Variants in DSCAM observed in about 807,000 individuals in gnomAD.
DSCAM encodes DS cell adhesion molecule, also known as cell adhesion molecule DSCAM.
A neutral mutation model predicts 217.7 loss-of-function variants in DSCAM; 47 were observed. That is an observed-to-expected ratio of 0.22 (90% CI 0.17 to 0.28). The LOEUF (loss-of-function observed/expected upper bound fraction) is 0.28. DSCAM is among the 10% of genes least tolerant of loss of function. The pLI is 1.00. For synonymous variants in DSCAM, 1,056 were observed against 1,015.3 expected, an observed-to-expected ratio of 1.04 and a Z score of -0.76; for missense variants, 2,080 against 2,618.3, an observed-to-expected ratio of 0.79 and a Z score of 4.49.
chr21:40,112,691 G>T (rs947344419), intron 20 of DSCAM, among the ~76,000 whole-genome samples: 5 of 152,138 alleles, frequency 3.3e-5, no homozygotes, highest in Non-Finnish European at 5.9e-5. Context: ...AAGAAGAAAA[G>T]AGAGAAGAAT....
intron 26 of DSCAM, 136 bp from the exon 27 acceptor site, chr21:40,075,349 C>A: frequency 1.1e-6 from 1 of 935,364 alleles, no homozygotes; most frequent in Middle Eastern, 2.6e-4. Context: ...AGAACTCTGT[C>A]TCTAGGCCCT....
chr21:40,143,608 G>A (rs995877378), intron 17 of DSCAM, among the ~76,000 whole-genome samples: 5 of 152,278 alleles, frequency 3.3e-5, no homozygotes, highest in African/African-American at 7.2e-5. Flanking sequence ...TGGCTAACAC[G>A]GTGAAAACCC....
chr21:40,261,986 A>T (rs972681357), intron 11 of DSCAM, among the ~76,000 whole-genome samples: 71 of 151,676 alleles, frequency 4.7e-4, no homozygotes, highest in Non-Finnish European at 5.9e-5. Context: ...AAGAAAAGGC[A>T]CCTGAGAGTT....
intron 23 of DSCAM, among the ~76,000 whole-genome samples, chr21:40,085,250 T>C (rs1391665115): frequency 6.6e-6 from 1 of 152,230 alleles, no homozygotes; most frequent in African/African-American, 2.4e-5. Flanking sequence ...ACTTGTTTTT[T>C]GTTTGTGTTT....
chr21:40,586,891 G>T lies in DSCAM; in HGVS notation c.508+105919C>A, dbSNP rs1038183566. On this transcript the variant is annotated intron_variant, in intron 3 of 32. Transcript: ENST00000400454. Reference sequence around the variant, plus strand: ...AACAGAAGAAGGCTGGACTCTAAGTGGTAGCAAATATGAACATTTGGGGCA... The same window carrying T: ...AACAGAAGAAGGCTGGACTCTAAGTTGTAGCAAATATGAACATTTGGGGCA... Among the ~76,000 whole-genome samples, 3 of 152,144 alleles carry T rather than the reference G, an allele frequency of 2.0e-5. No homozygotes were observed. In the East Asian group the frequency reaches 5.8e-4, roughly 29 times the overall value.
At chr21:40,727,761 C>T (rs35067914) in intron 1 of DSCAM, among the ~76,000 whole-genome samples, 15,264 of 152,210 alleles carry the variant, frequency 0.1, 1,101 homozygotes, top group African/African-American at 0.2. Context: ...CAGGCCATCT[C>T]TGGCCTCTGT....
chr21:40,459,884 T>C (rs1337889143), intron 3 of DSCAM, among the ~76,000 whole-genome samples: 1 of 152,132 alleles, frequency 6.6e-6, no homozygotes, highest in Non-Finnish European at 1.5e-5. Context: ...ATAAATGGTG[T>C]TGAGGCAACT....
In DSCAM at chr21:40,473,089, C is replaced by A. The variant is rs534900128; in HGVS notation, c.509-103844G>T. On this transcript the variant is annotated intron_variant, in intron 3 of 32. Transcript: ENST00000400454. Reference sequence around the variant, plus strand: ...CTGGGGGAATAAAGGGGCTGTTCACCAACCAGGCAGAGACCTTCCTAAAAA... The same window carrying A: ...CTGGGGGAATAAAGGGGCTGTTCACAAACCAGGCAGAGACCTTCCTAAAAA... 2.6e-5 allele frequency among the ~76,000 whole-genome samples: 4 copies of A among 152,272 alleles called. No individual in the cohort carries two copies. In the East Asian group the frequency reaches 5.8e-4, roughly 22 times the overall value.
intron 11 of DSCAM, among the ~76,000 whole-genome samples, chr21:40,222,718 T>C (rs1285893337): frequency 6.6e-6 from 1 of 152,206 alleles, no homozygotes; most frequent in Non-Finnish European, 1.5e-5. Flanking sequence ...ATGTCATAGT[T>C]GTCATTTAAA....
In DSCAM at chr21:40,504,937, C is replaced by G. The variant is rs1371367263; in HGVS notation, c.509-135692G>C. Among the ~76,000 whole-genome samples the G allele has an allele frequency of 3.9e-5, 6 of 152,246 alleles. No individual in the cohort carries two copies. In the East Asian group the frequency reaches 9.6e-4, roughly 24 times the overall value. ...GTAAGAGTTGACTGTCATACCAGCT[C>G]TCATGTCTGCCTCTGAGGCTGGAAA... On this transcript the variant is annotated intron_variant, in intron 3 of 32. Transcript: ENST00000400454.
intron 32 of DSCAM, among the ~76,000 whole-genome samples, chr21:40,028,755 A>G (rs2088452435): frequency 6.6e-6 from 1 of 152,126 alleles, no homozygotes; most frequent in Admixed American, 6.5e-5. Context: ...TAGTGAGATG[A>G]ACCCGGTACC....
intron 3 of DSCAM, among the ~76,000 whole-genome samples, chr21:40,676,887 G>A (rs367813520): frequency 1.3e-5 from 2 of 152,040 alleles, no homozygotes; most frequent in Admixed American, 1.3e-4. Context: ...AACGAGTCAC[G>A]TGCATCCGGG....
chr21:40,177,974 A>G (rs1158872914), intron 15 of DSCAM, among the ~76,000 whole-genome samples: 1 of 152,200 alleles, frequency 6.6e-6, no homozygotes, highest in African/African-American at 2.4e-5. Context: ...TCTTCCCTGC[A>G]GTAGGGAGTG....
At position 40,187,120 on chromosome 21, in the gene DSCAM, A is replaced by G; in HGVS notation, c.2779+11T>C. ...AGGTGGAAGGGAAGCTGGAGGAAGT[A>G]AAGAACTTACCTGATTTATTTTTGC... On this transcript the variant is annotated intron_variant, in intron 14 of 32. Transcript: ENST00000400454. 6.2e-7 allele frequency: 1 copy of G among 1,611,810 alleles called. No homozygotes were observed. Among genetic ancestry groups the G allele is most frequent in the African/African-American group, 1.3e-5 (1 of 74,804 alleles).
chr21:40,667,006 CT>C (rs1284952619), intron 3 of DSCAM, among the ~76,000 whole-genome samples: 2 of 152,296 alleles, frequency 1.3e-5, no homozygotes, highest in African/African-American at 4.8e-5. Flanking sequence ...CTAGAAGCTG[CT>C]TCATGTATCC....
intron 3 of DSCAM, among the ~76,000 whole-genome samples, chr21:40,380,918 C>A (rs1457427635): frequency 6.6e-6 from 1 of 151,856 alleles, no homozygotes; most frequent in Non-Finnish European, 1.5e-5. Context: ...AAAAAATTAG[C>A]CGGGCGTGGT....
intron 3 of DSCAM, among the ~76,000 whole-genome samples, chr21:40,675,305 G>A (rs1371455910): frequency 1.3e-5 from 2 of 152,206 alleles, no homozygotes; most frequent in African/African-American, 2.4e-5. Flanking sequence ...GCAGGCTGGA[G>A]TAGAGAAGGG....
At chr21:40,615,808 T>A (rs888373160) in intron 3 of DSCAM, among the ~76,000 whole-genome samples, 2 of 152,162 alleles carry the variant, frequency 1.3e-5, no homozygotes, top group African/African-American at 4.8e-5. Flanking sequence ...AGTCTTTGCC[T>A]GTGTCCTGGG....
At chr21:40,826,244 G>C (rs1398156060) in intron 1 of DSCAM, among the ~76,000 whole-genome samples, 1 of 152,210 alleles carries the variant, frequency 6.6e-6, no homozygotes, top group Non-Finnish European at 1.5e-5. Flanking sequence ...GTGAAGAAGT[G>C]GGGCGGGAAA....
Sources: gnomAD v4.1 joint callset for allele counts (sites outside exome capture counted in the v4.1 genomes callset) on GRCh38, gnomAD v4.1.1 for gene constraint, MANE v1.5 for transcripts, NCBI Gene and HGNC (gene_info 2026-07-23, HGNC 2026-07-21) for gene names.